ZNF250: variants seen among roughly 807,000 people sequenced by gnomAD.
ZNF250 encodes zinc finger protein 250.
Under a neutral mutation model 37.1 loss-of-function variants are expected in ZNF250, and 13 were observed. The ratio of observed to expected loss-of-function variants is 0.35; its 90% CI spans 0.23 to 0.56. The LOEUF is 0.56. Among genes scored for constraint, ZNF250 ranks in the 20% least tolerant of loss-of-function variants. The probability of loss-of-function intolerance (pLI) is 0.87; values close to 1 mark genes in which losing one functional copy is unlikely to be tolerated. For missense variants in ZNF250, 474 were observed against 697.9 expected, an observed-to-expected ratio of 0.68 and a Z score of 3.61; for synonymous variants, 251 against 265.6, an observed-to-expected ratio of 0.94 and a Z score of 0.54.
At position 144,890,402 on chromosome 8, in the gene ZNF250, G is replaced by A; in HGVS notation, c.-53C>T. On this transcript the variant is annotated splice_region_variant and 5_prime_UTR_variant, in exon 2 of 6. Transcript: ENST00000417550. The surrounding 1 kb of genome is among the most constrained non-coding windows in gnomAD (Gnocchi z 5.1). ...TCACGGAAATTGAAGGAGCCTATGG[G>A]GCTGAGGAAGAGGAGGGGGCAAGTG... The A allele has an allele frequency of 2.8e-6, 4 of 1,435,530 alleles. No homozygotes were observed. The highest frequency in any genetic ancestry group is 2.8e-6 in the Non-Finnish European group (3 of 1,090,014). 88.9% of individuals were successfully genotyped at this position (1,435,530 alleles called of 1,614,324 possible). A position where few individuals can be genotyped will look rare whatever the true frequency, so the allele number is the denominator to read the frequency against.
chr8:144,901,666 C>A (rs1029125617), upstream of ZNF250: 9 of 152,346 alleles, frequency 5.9e-5, no homozygotes, highest in African/African-American at 2.2e-4. The surrounding 1 kb of genome is among the most constrained non-coding windows in gnomAD (Gnocchi z 5.4). Context: ...CTAGAGGGGC[C>A]GAACACCTCT....
rs1233007664 is a variant in ZNF250 at position 144,885,637 on chromosome 8, A to G, written c.346+1203T>C. 2.0e-5 allele frequency among the ~76,000 whole-genome samples: 3 copies of G among 151,872 alleles called. No individual in the cohort carries two copies. In the East Asian group the frequency reaches 5.8e-4, roughly 29 times the overall value. ...CACCATCATGTCTGGCTAATTTTTA[A>G]TTTTATTTTGTAGTGTGGGGTCTCA... On this transcript the variant is annotated intron_variant, in intron 5 of 5. Coordinates refer to ENST00000417550, the MANE Select transcript of ZNF250 (RefSeq NM_001109689.4).
chr8:144,890,278 G>A lies in ZNF250; in HGVS notation c.42+30C>T. The A allele has an allele frequency of 1.3e-6, 2 of 1,551,704 alleles. No individual in the cohort carries two copies. Among genetic ancestry groups the A allele is most frequent in the Non-Finnish European group, 1.7e-6 (2 of 1,143,390 alleles). ...AAGGAACCACAGGGCTCGGGCTGGG[G>A]GCACTGCATAAGCACTGGGGACAGC... On this transcript the variant is annotated intron_variant, in intron 2 of 5. Coordinates refer to ENST00000417550, the MANE Select transcript of ZNF250 (RefSeq NM_001109689.4). This position sits in a 1 kb window ranked among gnomAD's most constrained non-coding sequence, Gnocchi z 5.1.
Position 144,880,344 on chromosome 8 carries a change from A to G in ZNF250, c.*1171T>C. 2.3e-6 allele frequency: 1 copy of G among 431,602 alleles called. No homozygotes were observed. The highest frequency in any genetic ancestry group is 2.4e-5 in the Admixed American group (1 of 40,906). 26.7% of individuals were successfully genotyped at this position (431,602 alleles called of 1,614,324 possible). ...AGCATTGTTTTGGGGGAAATACCAT[A>G]AGATGTAAAGAGGTACCCACTTGGT... On this transcript the variant is annotated 3_prime_UTR_variant, in exon 6 of 6. Transcript: ENST00000417550.
chr8:144,890,193 C>T lies in ZNF250; in HGVS notation c.42+115G>A, dbSNP rs759009876. The T allele has an allele frequency of 4.7e-6, 7 of 1,503,022 alleles. No individual in the cohort carries two copies. Among genetic ancestry groups the T allele is most frequent in the Middle Eastern group, 1.7e-4 (1 of 5,910 alleles). The allele number at this position is 1,503,022 out of a possible 1,614,324, so 93.1% of individuals were successfully genotyped here. Reference sequence around the variant, plus strand: ...GCTGAGGTGGGTGATGGGAAGGGGCCGCGGAGTTCAGGGCATGTGGTGACG... The same window carrying T: ...GCTGAGGTGGGTGATGGGAAGGGGCTGCGGAGTTCAGGGCATGTGGTGACG... On this transcript the variant is annotated intron_variant, in intron 2 of 5. Transcript: ENST00000417550. The surrounding 1 kb of genome is among the most constrained non-coding windows in gnomAD (Gnocchi z 5.1).
rs1352339833 is a variant in ZNF250 at position 144,890,100 on chromosome 8, A to G, written c.43-41T>C. The G allele has an allele frequency of 2.5e-6, 4 of 1,599,278 alleles. No individual in the cohort carries two copies. The highest frequency in any genetic ancestry group is 2.6e-6 in the Non-Finnish European group (3 of 1,172,836). ...CTGCTGCAGGTAAAACCAAATCCTG[A>G]TGTCTGTGATGGGGAGTGGGTGCAT... On this transcript the variant is annotated intron_variant, in intron 2 of 5. Transcript: ENST00000417550. This position sits in a 1 kb window ranked among gnomAD's most constrained non-coding sequence, Gnocchi z 5.1.
Position 144,886,992 on chromosome 8 carries a change from A to C in ZNF250, c.284-90T>G, listed in dbSNP as rs1041568019. ...CCGGGCATGGTGGCTCACGTCTGTA[A>C]TCCCAGCACTTTGGGAGGCCAAGGT... On this transcript the variant is annotated intron_variant, in intron 4 of 5. Transcript: ENST00000417550. 4 of 1,187,162 alleles carry C rather than the reference A, an allele frequency of 3.4e-6. No individual in the cohort carries two copies. The African/African-American group carries it at 6.0e-5, about 18-fold the overall frequency. 73.5% of individuals were successfully genotyped at this position (1,187,162 alleles called of 1,614,324 possible).
At position 144,901,402 on chromosome 8, in the gene ZNF250, C is replaced by T. The variant is rs1370402073; in HGVS notation, c.-58G>A. 2.0e-5 allele frequency: 3 copies of T among 152,722 alleles called. No homozygotes were observed. The highest frequency in any genetic ancestry group is 3.4e-3 in the Middle Eastern group (1 of 294). 9.5% of individuals were successfully genotyped at this position (152,722 alleles called of 1,614,324 possible). A position where few individuals can be genotyped will look rare whatever the true frequency, so the allele number is the denominator to read the frequency against. ...ACGACACGCGCCCCCCACTCACCGT[C>T]AGAGCCGCAGCCTCACGCGCGAAGG... is the stretch of plus-strand genomic sequence containing the variant. On this transcript the variant is annotated 5_prime_UTR_variant, in exon 1 of 6. Transcript: ENST00000417550. The surrounding 1 kb of genome is among the most constrained non-coding windows in gnomAD (Gnocchi z 5.4).
intron 1 of ZNF250, among the ~76,000 whole-genome samples, chr8:144,898,527 G>A (rs1832876766): frequency 6.6e-6 from 1 of 152,196 alleles, no homozygotes; most frequent in African/African-American, 2.4e-5. Context: ...GGACACTCAT[G>A]TGGGAAAACA....
intron 1 of ZNF250, among the ~76,000 whole-genome samples, chr8:144,893,323 G>A (rs1463630396): frequency 1.3e-5 from 2 of 151,720 alleles, no homozygotes; most frequent in African/African-American, 2.4e-5. Flanking sequence ...ACCCACCAGC[G>A]CACAGATCTG....
In ZNF250 at chr8:144,877,767, G is replaced by GAA. The variant is rs1006010002; in HGVS notation, c.*3746_*3747dup. The GAA allele has an allele frequency of 1.3e-5, 2 of 152,244 alleles. No individual in the cohort carries two copies. Among genetic ancestry groups the GAA allele is most frequent in the African/African-American group, 4.8e-5 (2 of 41,552 alleles). The allele number at this position is 152,244 out of a possible 1,614,324, so 9.4% of individuals were successfully genotyped here. A position where few individuals can be genotyped will look rare whatever the true frequency, so the allele number is the denominator to read the frequency against. On this transcript the variant is annotated 3_prime_UTR_variant, in exon 6 of 6. Transcript: ENST00000417550. ...TATTAAGCTCATTTTAAGAATGCAG[G>GAA]AAAAAAACTATACTTTTTGGAAGGA...
At chr8:144,886,748 A>C in intron 5 of ZNF250, 92 bp downstream of exon 5, 1 of 1,163,272 alleles carries the variant, frequency 8.6e-7, no homozygotes, top group Non-Finnish European at 1.3e-6. Flanking sequence ...AACACGCTTC[A>C]TAGCACCGAG....
chr8:144,889,274 T>A lies in ZNF250; in HGVS notation c.283+307A>T, dbSNP rs190547764. On this transcript the variant is annotated intron_variant, in intron 4 of 5. Transcript: ENST00000417550. ...AACTCTCAAAACCTGAATGTCCTAT[T>A]AGGACCAAATCTGGCTAACCAGTCC... Among the ~76,000 whole-genome samples the A allele has an allele frequency of 3.3e-5, 5 of 152,354 alleles. No homozygotes were observed. In the East Asian group the frequency reaches 9.6e-4, roughly 29 times the overall value.
Position 144,882,738 on chromosome 8 carries a change from T to A in ZNF250, c.445A>T (p.Ile149Phe), listed in dbSNP as rs770345397. The A allele has an allele frequency of 5.0e-6, 8 of 1,613,908 alleles. No individual in the cohort carries two copies. Among genetic ancestry groups the A allele is most frequent in the Non-Finnish European group, 6.8e-6 (8 of 1,179,856 alleles). Residue 149 changes from isoleucine to phenylalanine, a missense_variant, in exon 6 of 6, where the codon ATT becomes TTT. Ile to Phe is a conservative substitution (Grantham distance 21). Around this residue, in one of 2 missense-constraint regions of ZNF250, gnomAD observed 192 missense variants for 227.5 expected, o/e 0.84. Coordinates refer to ENST00000417550, the MANE Select transcript of ZNF250 (RefSeq NM_001109689.4). This position sits in a 1 kb window ranked among gnomAD's most constrained non-coding sequence, Gnocchi z 5.5. ...TTTGTTTCATTATTTTCTTGATCAA[T>A]CCTCCCCAAGGGTGTTTTCCCCAGA... The part of the protein sequence containing the change: ...VILGKTPLGR[I>F]DQENNETKQS...
Position 144,891,592 on chromosome 8 carries a change from C to T in ZNF250, c.-54-1189G>A, listed in dbSNP as rs374717266. Among the ~76,000 whole-genome samples, 11 of 152,272 alleles carry T rather than the reference C, an allele frequency of 7.2e-5. No individual in the cohort carries two copies. The South Asian group carries it at 1.2e-3, about 17-fold the overall frequency. On this transcript the variant is annotated intron_variant, in intron 1 of 5. Coordinates refer to ENST00000417550, the MANE Select transcript of ZNF250 (RefSeq NM_001109689.4). This position sits in a 1 kb window ranked among gnomAD's most constrained non-coding sequence, Gnocchi z 4.0. ...TCAGGCCGGGTGCAGTGGCTTATGC[C>T]TGTAATCCCAGCACTTTGGGAGGCC... is the stretch of plus-strand genomic sequence containing the variant.
In ZNF250 at chr8:144,884,262, T is replaced by C. The variant is rs528090224; in HGVS notation, c.347-1426A>G. On this transcript the variant is annotated intron_variant, in intron 5 of 5. Transcript: ENST00000417550. ...TCTATTCTGTTTATGAACATAATTC[T>C]TTTTTTAGAGACGGAGTCTTACCCT... Among the ~76,000 whole-genome samples, 4 of 152,324 alleles carry C rather than the reference T, an allele frequency of 2.6e-5. No individual in the cohort carries two copies. In the East Asian group the frequency reaches 5.8e-4, roughly 22 times the overall value.
intron 5 of ZNF250, among the ~76,000 whole-genome samples, chr8:144,885,157 T>C (rs1249766303): frequency 2.6e-5 from 4 of 152,260 alleles, no homozygotes; most frequent in Non-Finnish European, 1.5e-5. Context: ...TTCGTTCTTG[T>C]TGCCCAGGCT....
At chr8:144,886,095 T>TA (rs34422407) in intron 5 of ZNF250, among the ~76,000 whole-genome samples, 5,735 of 116,676 alleles carry the variant, frequency 0.049, 162 homozygotes, top group Non-Finnish European at 0.078. Context: ...AGAGCCTGTC[T>TA]AAAAAAAAAA....
At chr8:144,901,768 C>T (rs183221800), upstream of ZNF250, 872 of 152,784 alleles carry the variant, frequency 5.7e-3, 3 homozygotes, top group South Asian at 0.023. This position sits in a 1 kb window ranked among gnomAD's most constrained non-coding sequence, Gnocchi z 5.4. Flanking sequence ...GTCCCGGTTC[C>T]CGAGCTCCTG....
Sources: gnomAD v4.1 joint callset for allele counts (sites outside exome capture counted in the v4.1 genomes callset) on GRCh38, gnomAD v4.1.1 for gene constraint, gnomAD v4.1.1 regional missense constraint, Gnocchi (gnomAD v3.1) non-coding constraint, MANE v1.5 for transcripts, NCBI Gene and HGNC (gene_info 2026-07-23, HGNC 2026-07-21) for gene names.